Variants in RELCH observed in about 807,000 individuals in gnomAD.
The protein encoded by RELCH is RAB11 binding and LisH domain, coiled-coil and HEAT repeat containing.
A neutral mutation model predicts 150.3 loss-of-function variants in RELCH; 41 were observed. The observed-to-expected ratio is 0.27, with a 90% CI of 0.21 to 0.35. RELCH has a LOEUF of 0.35. Among genes scored for constraint, RELCH ranks in the 10% least tolerant of loss-of-function variants. The pLI is 1.00. For synonymous variants in RELCH, 478 were observed against 531.8 expected (o/e 0.90, Z 1.39); for missense variants, 1,092 against 1,467.8 (o/e 0.74, Z 4.18).
intron 15 of RELCH, among the ~76,000 whole-genome samples, chr18:62,259,335 A>G (rs761748928): frequency 5.3e-5 from 8 of 151,450 alleles, no homozygotes; most frequent in Non-Finnish European, 1.0e-4. Context: ...GCATTTCTAT[A>G]TGCCAACAGT....
At chr18:62,196,072 C>T (rs2039021163) in intron 1 of RELCH, among the ~76,000 whole-genome samples, 1 of 152,168 alleles carries the variant, frequency 6.6e-6, no homozygotes, top group Admixed American at 6.5e-5. Context: ...CTCGGTGTTC[C>T]TTTCTTAGCA....
chr18:62,271,239 C>A (rs1215886607), intron 20 of RELCH, among the ~76,000 whole-genome samples: 1 of 152,164 alleles, frequency 6.6e-6, no homozygotes, highest in Non-Finnish European at 1.5e-5. Context: ...TTTTCCACAT[C>A]CTCTCCAGCA....
intron 5 of RELCH, among the ~76,000 whole-genome samples, chr18:62,224,131 C>A (rs575818951): frequency 4.6e-5 from 7 of 152,148 alleles, no homozygotes; most frequent in Non-Finnish European, 7.4e-5. Flanking sequence ...CCCTCATGCC[C>A]CAACAGGCCC....
At chr18:62,202,823 A>G (rs1385779482) in intron 1 of RELCH, among the ~76,000 whole-genome samples, 1 of 152,232 alleles carries the variant, frequency 6.6e-6, no homozygotes, top group Admixed American at 6.5e-5. Flanking sequence ...AATAAGAAAT[A>G]TTTATCTGAA....
chr18:62,227,287 A>T lies in RELCH; in HGVS notation c.859-2A>T, dbSNP rs1555724672. The T allele has an allele frequency of 6.6e-7, 1 of 1,524,266 alleles. No homozygotes were observed. The highest frequency in any genetic ancestry group is 8.9e-7 in the Non-Finnish European group (1 of 1,119,382). The allele number at this position is 1,524,266 out of a possible 1,614,324, so 94.4% of individuals were successfully genotyped here. A position where few individuals can be genotyped will look rare whatever the true frequency, so the allele number is the denominator to read the frequency against. On this transcript the variant is annotated splice_acceptor_variant, in intron 5 of 28. Coordinates refer to ENST00000644646, the MANE Select transcript of RELCH (RefSeq NM_001346231.2). LOFTEE classifies it high-confidence loss of function. ...TTTTTATGTTTTTTTTTTATCTTTT[A>T]GGATTTTGAATTATGGGATGATGTA...
chr18:62,303,712 G>C (rs912908353), intron 28 of RELCH, among the ~76,000 whole-genome samples: 6 of 152,180 alleles, frequency 3.9e-5, no homozygotes, highest in Non-Finnish European at 8.8e-5. Context: ...ACAATAGACT[G>C]GACAAACCTG....
At chr18:62,244,597 T>G (rs987108025) in intron 10 of RELCH, among the ~76,000 whole-genome samples, 167 bp from the exon 11 acceptor site, 19 of 152,208 alleles carry the variant, frequency 1.2e-4, no homozygotes, top group Non-Finnish European at 4.4e-5. Context: ...CATAAACGTT[T>G]TAGTGTAAAC....
chr18:62,214,839 A>T (rs1014097777), intron 2 of RELCH, among the ~76,000 whole-genome samples: 14 of 152,206 alleles, frequency 9.2e-5, no homozygotes, highest in African/African-American at 3.4e-4. Context: ...GGGGACTTTG[A>T]GCAGTAAAAC....
At chr18:62,257,032 C>T (rs556668579) in intron 13 of RELCH, among the ~76,000 whole-genome samples, 41 of 152,204 alleles carry the variant, frequency 2.7e-4, no homozygotes, top group Non-Finnish European at 5.3e-4. Context: ...TCAAGCCTTG[C>T]TCTACATACC....
At chr18:62,251,895 A>G (rs1015725672) in intron 11 of RELCH, among the ~76,000 whole-genome samples, 1 of 152,182 alleles carries the variant, frequency 6.6e-6, no homozygotes, top group African/African-American at 2.4e-5. Flanking sequence ...CCTTCACAAC[A>G]TCTGTCACAG....
intron 10 of RELCH, among the ~76,000 whole-genome samples, chr18:62,238,770 C>T (rs2041997508): frequency 6.6e-6 from 1 of 151,948 alleles, no homozygotes; most frequent in Admixed American, 6.6e-5. Context: ...GTGCTAAAAA[C>T]CACTGAATAG....
At chr18:62,251,108 G>T (rs982958166) in intron 11 of RELCH, among the ~76,000 whole-genome samples, 1 of 152,110 alleles carries the variant, frequency 6.6e-6, no homozygotes, top group East Asian at 1.9e-4. Context: ...TTCAAATGAA[G>T]ATAATGTATT....
At position 62,187,678 on chromosome 18, in the gene RELCH, A is replaced by T; in HGVS notation, c.173A>T (p.Gln58Leu). 3 of 1,576,658 alleles carry T rather than the reference A, an allele frequency of 1.9e-6. No individual in the cohort carries two copies. ...DPGSAGSLSP[Q>L]DPVALGSSAR... is the part of the protein sequence containing the mutation. ...GGCTCTGCGGGCTCGCTGTCGCCACAGGATCCCGTGGCCTTAGGAAGCAGT... is the reference window on the plus strand; with the variant it reads ...GGCTCTGCGGGCTCGCTGTCGCCACTGGATCCCGTGGCCTTAGGAAGCAGT... Residue 58 changes from glutamine (Q) to leucine (L), a missense_variant, in exon 1 of 29, where the codon CAG becomes CTG. Gln to Leu is a moderately radical substitution (Grantham distance 113, BLOSUM62 -2). Transcript: ENST00000644646.
At chr18:62,240,040 C>G (rs1020549045) in intron 10 of RELCH, among the ~76,000 whole-genome samples, 8 of 151,358 alleles carry the variant, frequency 5.3e-5, no homozygotes, top group Non-Finnish European at 1.2e-4. Context: ...ACAAGTGTAT[C>G]TTGTATCTTG....
At position 62,228,407 on chromosome 18, in the gene RELCH, T is replaced by G; in HGVS notation, c.1257T>G (p.Ser419Arg). The stretch of plus-strand genomic sequence containing the variant: ...TGCCCCACAAAGACTCTGAGGACAG[T>G]GGACAGCATCCAGATGTAAATAGTT... The part of the protein sequence containing the change: ...DQLPHKDSED[S>R]GQHPDVNSSD... Residue 419 changes from serine to arginine, a missense_variant, in exon 8 of 29, where the codon AGT (serine) becomes AGG (arginine). Physicochemically the swap from Ser to Arg is moderately radical, Grantham distance 110 (BLOSUM62 -1). Coordinates refer to ENST00000644646, the MANE Select transcript of RELCH (RefSeq NM_001346231.2). The G allele has an allele frequency of 6.2e-7, 1 of 1,613,372 alleles. No individual in the cohort carries two copies. The highest frequency in any genetic ancestry group is 8.5e-7 in the Non-Finnish European group (1 of 1,179,586).
At chr18:62,221,591 TATATATAGTAAA>T in intron 5 of RELCH, 94 bp downstream of exon 5, 1 of 533,058 alleles carries the variant, frequency 1.9e-6, no homozygotes, top group East Asian at 3.4e-5. Context: ...TTTTAAGTTA[TATATATAGTAAA>T]ATTCTACAAG....
intron 2 of RELCH, 74 bp from the exon 3 acceptor site, chr18:62,220,962 CT>C (rs757537494): frequency 2.8e-4 from 337 of 1,193,020 alleles, no homozygotes; most frequent in Non-Finnish European, 4.0e-4. Context: ...CCCATCCTTG[CT>C]TTTTATTTTT....
chr18:62,301,568 G>A (rs536464515), intron 28 of RELCH, among the ~76,000 whole-genome samples: 137 of 152,298 alleles, frequency 9.0e-4, no homozygotes, highest in African/African-American at 3.2e-3. Context: ...GTTGTCTAGC[G>A]TTAGTGTCCA....
chr18:62,195,667 T>A (rs770618933), intron 1 of RELCH, among the ~76,000 whole-genome samples: 1 of 152,068 alleles, frequency 6.6e-6, no homozygotes, highest in Non-Finnish European at 1.5e-5. Flanking sequence ...ATTTCACCTA[T>A]GAGCTTGCAG....
Sources: gnomAD v4.1 joint callset for allele counts (sites outside exome capture counted in the v4.1 genomes callset) on GRCh38, gnomAD v4.1.1 for gene constraint, MANE v1.5 for transcripts, NCBI Gene and HGNC (gene_info 2026-07-23, HGNC 2026-07-21) for gene names.